Variants in SLC25A30 observed in about 807,000 individuals in gnomAD.
SLC25A30 encodes the protein solute carrier family 25 member 30, also known as kidney mitochondrial carrier protein 1.
Under a neutral mutation model 42.7 loss-of-function variants are expected in SLC25A30, and 29 were observed. The ratio of observed to expected loss-of-function variants is 0.68; its 90% CI spans 0.51 to 0.93. The LOEUF is 0.93. Among genes scored for constraint, SLC25A30 ranks in the 40% least tolerant of loss-of-function variants. The pLI, the probability that SLC25A30 is intolerant of heterozygous loss-of-function variation, is 0.00. For synonymous variants in SLC25A30, 124 were observed against 131.0 expected (o/e 0.95, Z 0.37); for missense variants, 300 against 359.7 (o/e 0.83, Z 1.34).
At chr13:45,420,593 T>G (rs1883868032), upstream of SLC25A30, among the ~76,000 whole-genome samples, 1 of 152,196 alleles carries the variant, frequency 6.6e-6, no homozygotes, top group African/African-American at 2.4e-5. Context: ...ACTCTACCAT[T>G]ACCCTAAGCC....
the SLC25A30 span, among the ~76,000 whole-genome samples, chr13:45,433,045 A>AT: frequency 6.6e-5 from 10 of 151,680 alleles, no homozygotes; most frequent in African/African-American, 2.4e-4. Flanking sequence ...AAAAAAAAAA[A>AT]AAAAATTCAA....
the SLC25A30 span, among the ~76,000 whole-genome samples, chr13:45,424,436 T>G: frequency 1.7e-5 from 1 of 58,810 alleles, no homozygotes; most frequent in African/African-American, 6.3e-5. Flanking sequence ...AATATATATA[T>G]AAATATATAA....
chr13:45,411,943 G>A (rs1883063427), intron 1 of SLC25A30: 1 of 92,880 alleles, frequency 1.1e-5, no homozygotes, highest in Admixed American at 1.6e-4. Context: ...AACACCCTGT[G>A]TCAAAAAAAA....
upstream of SLC25A30, chr13:45,420,331 C>T (rs1371329475): frequency 6.6e-6 from 1 of 152,110 alleles, no homozygotes; most frequent in Non-Finnish European, 1.5e-5. Flanking sequence ...TTTGGCCACA[C>T]AATGTTTTGA....
At chr13:45,423,568 A>AAATATATATAAAT in the SLC25A30 span, among the ~76,000 whole-genome samples, 3 of 99,894 alleles carry the variant, frequency 3.0e-5, no homozygotes, top group Admixed American at 1.5e-4. Flanking sequence ...AAAATATATA[A>AAATATATATAAAT]ATATATATAA....
chr13:45,433,282 G>A, the SLC25A30 span, among the ~76,000 whole-genome samples: 26 of 152,056 alleles, frequency 1.7e-4, 1 homozygote, highest in Admixed American at 1.7e-3. Flanking sequence ...AGTGATCTGG[G>A]GCACTTCATG....
the SLC25A30 span, among the ~76,000 whole-genome samples, chr13:45,425,541 T>TATATATAAGTATATATATAA: frequency 1.5e-4 from 9 of 58,650 alleles, no homozygotes; most frequent in African/African-American, 6.9e-4. Flanking sequence ...TGTATAAGTA[T>TATATATAAGTATATATATAA]ATATATATAA....
Position 45,399,025 on chromosome 13 carries a change from A to G in SLC25A30, c.668T>C (p.Val223Ala), listed in dbSNP as rs1566201430. The part of the protein sequence containing the change: ...AGALASNPVD[V>A]VRTRMMNQRV... ...CTGATTCATCATACGTGTCCTCACA[A>G]CATCAACAGGGTTTGAGGCCAGGGC... Residue 223 changes from valine (V) to alanine (A), a missense_variant, in exon 8 of 10, where the codon GTT (valine) becomes GCT (alanine). By Grantham distance (64) the Val-to-Ala change is moderately conservative. Transcript: ENST00000519676. 19 of 1,613,988 alleles carry G rather than the reference A, an allele frequency of 1.2e-5. No homozygotes were observed. Among genetic ancestry groups the G allele is most frequent in the Non-Finnish European group, 1.6e-5 (19 of 1,179,928 alleles).
chr13:45,420,274 A>G (rs1420295355), upstream of SLC25A30: 1 of 152,016 alleles, frequency 6.6e-6, no homozygotes, highest in South Asian at 2.1e-4. Flanking sequence ...AGCTTAAACA[A>G]TCTCTTTTCT....
chr13:45,423,941 A>T, the SLC25A30 span, among the ~76,000 whole-genome samples: 2 of 85,956 alleles, frequency 2.3e-5, no homozygotes, highest in African/African-American at 9.1e-5. Flanking sequence ...ATATAAATAT[A>T]TAAAAAAATA....
intron 7 of SLC25A30, among the ~76,000 whole-genome samples, chr13:45,400,173 G>A (rs1881822824): frequency 6.6e-6 from 1 of 151,910 alleles, no homozygotes; most frequent in Non-Finnish European, 1.5e-5. Context: ...TGTAATCCCA[G>A]CACTTTGGGA....
chr13:45,425,609 CATATATAAATATATATATAAGT>C, the SLC25A30 span, among the ~76,000 whole-genome samples: 176 of 27,148 alleles, frequency 6.5e-3, 19 homozygotes, highest in African/African-American at 0.01. Context: ...TATATATATA[CATATATAAATATATATATAAGT>C]ATATATAAAT....
intron 2 of SLC25A30, 150 bp from the exon 3 acceptor site, chr13:45,409,224 T>A: frequency 3.3e-6 from 2 of 606,670 alleles, no homozygotes; most frequent in Non-Finnish European, 5.0e-6. Flanking sequence ...TTTATATTTT[T>A]AAAAATTGAG....
At chr13:45,433,001 C>T in the SLC25A30 span, among the ~76,000 whole-genome samples, 4 of 148,018 alleles carry the variant, frequency 2.7e-5, no homozygotes, top group South Asian at 2.1e-4. Context: ...CGTGCCATTG[C>T]ACCCCTGGGC....
At chr13:45,430,374 AT>A in the SLC25A30 span, among the ~76,000 whole-genome samples, 91 of 152,266 alleles carry the variant, frequency 6.0e-4, no homozygotes, top group African/African-American at 2.2e-3. Flanking sequence ...AAGAAAAGAA[AT>A]AACAAATGAA....
intron 7 of SLC25A30, among the ~76,000 whole-genome samples, chr13:45,400,104 A>G (rs1207192432): frequency 6.6e-6 from 1 of 150,800 alleles, no homozygotes; most frequent in Admixed American, 6.6e-5. Context: ...TATCCATACA[A>G]TGTGATAATC....
the SLC25A30 span, among the ~76,000 whole-genome samples, chr13:45,425,587 TATATATATAC>T: frequency 4.4e-4 from 35 of 79,100 alleles, 2 homozygotes; most frequent in African/African-American, 2.1e-3. Flanking sequence ...TATATATAAA[TATATATATAC>T]ATATATATAT....
rs71184413 is a variant in SLC25A30, at chr13:45,400,033, TACACAC to T, written c.615-961_615-956del. ...GTATGATTATATATATATATATATA[TACACAC>T]ACACACACACACACACACACACACA... On this transcript the variant is annotated intron_variant, in intron 7 of 9. Coordinates refer to ENST00000519676, the MANE Select transcript of SLC25A30 (RefSeq NM_001010875.4). 3.3e-3 allele frequency among the ~76,000 whole-genome samples: 404 copies of T among 122,362 alleles called. 1 individual carries two copies. The highest frequency in any genetic ancestry group is 4.9e-3 in the East Asian group (21 of 4,304). The allele number at this position is 122,362 out of a possible 152,430, so 80.3% of individuals were successfully genotyped here. A position where few individuals can be genotyped will look rare whatever the true frequency, so the allele number is the denominator to read the frequency against.
intron 7 of SLC25A30, among the ~76,000 whole-genome samples, chr13:45,399,283 G>A (rs572811410): frequency 2.4e-4 from 36 of 152,318 alleles, no homozygotes; most frequent in African/African-American, 8.4e-4. Context: ...TTGGCTCACT[G>A]CAACCTCTGC....
Sources: allele counts gnomAD v4.1 joint callset (sites outside exome capture counted in the v4.1 genomes callset), GRCh38; gene constraint gnomAD v4.1.1; transcripts MANE v1.5; gene names NCBI Gene and HGNC (gene_info 2026-07-23, HGNC 2026-07-21).